Variants in SLC2A13 observed in about 807,000 individuals in gnomAD.
SLC2A13 encodes the protein solute carrier family 2 member 13.
A neutral mutation model predicts 64.4 loss-of-function variants in SLC2A13; 32 were observed. The observed-to-expected ratio is 0.50, with a 90% CI of 0.37 to 0.67. SLC2A13 has a LOEUF of 0.67. Ranked by LOEUF, SLC2A13 falls within the 30% of genes least tolerant of loss-of-function variation. The pLI, the probability that SLC2A13 is intolerant of heterozygous loss-of-function variation, is 0.00. For missense variants in SLC2A13, 743 were observed against 829.2 expected, an observed-to-expected ratio of 0.90 and a Z score of 1.28; for synonymous variants, 338 against 327.1, an observed-to-expected ratio of 1.03 and a Z score of -0.36.
intron 7 of SLC2A13, among the ~76,000 whole-genome samples, chr12:39,808,362 C>T (rs1184670480): frequency 6.6e-6 from 1 of 152,114 alleles, no homozygotes; most frequent in East Asian, 1.9e-4. Context: ...GAAGTAACAT[C>T]TACGTAATTT....
chr12:39,800,691 T>C (rs1941759393), intron 7 of SLC2A13, among the ~76,000 whole-genome samples: 1 of 14,812 alleles, frequency 6.8e-5, no homozygotes, highest in African/African-American at 3.0e-4. Context: ...AGTGTGGCGA[T>C]TCCTCAGGGA....
intron 4 of SLC2A13, among the ~76,000 whole-genome samples, chr12:39,943,956 C>T (rs977692764): frequency 2.0e-5 from 3 of 152,140 alleles, no homozygotes; most frequent in African/African-American, 7.2e-5. Flanking sequence ...GTAACACCAG[C>T]AAGACAGACT....
At position 39,860,516 on chromosome 12, in the gene SLC2A13, T is replaced by G. The variant is rs116289092; in HGVS notation, c.1319+4246A>C. Reference sequence around the variant, plus strand: ...GAACTCTCCTCCAACTACGGGCCAGTTTTCCCAAATACCTATTCAATATCC... The same window carrying G: ...GAACTCTCCTCCAACTACGGGCCAGGTTTCCCAAATACCTATTCAATATCC... On this transcript the variant is annotated intron_variant, in intron 6 of 9. Coordinates refer to ENST00000280871, the MANE Select transcript of SLC2A13 (RefSeq NM_052885.4). Among the ~76,000 whole-genome samples, 1,438 of 152,236 alleles carry G rather than the reference T, an allele frequency of 9.4e-3. 19 individuals are homozygous for G. Among genetic ancestry groups the G allele is most frequent in the African/African-American group, 0.032 (1,327 of 41,526 alleles).
At chr12:39,839,840 T>C (rs1475900669) in intron 6 of SLC2A13, among the ~76,000 whole-genome samples, 2 of 152,086 alleles carry the variant, frequency 1.3e-5, no homozygotes, top group Non-Finnish European at 2.9e-5. Flanking sequence ...TATCTGGATG[T>C]TTTCCAAGTG....
intron 1 of SLC2A13, among the ~76,000 whole-genome samples, chr12:40,102,774 G>A (rs1268370238): frequency 6.6e-6 from 1 of 152,010 alleles, no homozygotes; most frequent in Non-Finnish European, 1.5e-5. Flanking sequence ...CTCAAAAAAT[G>A]CTCATGTTAG....
intron 3 of SLC2A13, among the ~76,000 whole-genome samples, chr12:40,002,955 A>G (rs532166004): frequency 1.3e-5 from 2 of 152,314 alleles, no homozygotes; most frequent in East Asian, 3.9e-4. Context: ...ACTAGGGGTT[A>G]ATAATTTACA....
At chr12:40,080,795 G>A (rs1175177042) in intron 1 of SLC2A13, among the ~76,000 whole-genome samples, 1 of 152,226 alleles carries the variant, frequency 6.6e-6, no homozygotes, top group Non-Finnish European at 1.5e-5. Context: ...GCTCTATAGT[G>A]TCAGTGGGCT....
At chr12:39,835,852 C>T (rs1414283372) in intron 6 of SLC2A13, 5 of 151,964 alleles carry the variant, frequency 3.3e-5, no homozygotes, top group South Asian at 2.1e-4. Flanking sequence ...GATGAATTGA[C>T]GTAAATATAT....
chr12:39,876,283 T>C (rs1051492007), intron 4 of SLC2A13, among the ~76,000 whole-genome samples: 5 of 152,146 alleles, frequency 3.3e-5, no homozygotes, highest in Non-Finnish European at 5.9e-5. Flanking sequence ...CAGAAACATA[T>C]AGGCTTTGGA....
intron 3 of SLC2A13, among the ~76,000 whole-genome samples, chr12:39,960,325 A>G (rs936220159): frequency 9.2e-5 from 14 of 152,168 alleles, no homozygotes; most frequent in African/African-American, 2.7e-4. Flanking sequence ...CATTCTCTTG[A>G]GTTTTCTACA....
intron 6 of SLC2A13, among the ~76,000 whole-genome samples, chr12:39,850,727 T>A (rs2135893697): frequency 6.6e-6 from 1 of 152,244 alleles, no homozygotes; most frequent in African/African-American, 2.4e-5. Flanking sequence ...CCAAATTTGA[T>A]TACACAGGCC....
intron 7 of SLC2A13, among the ~76,000 whole-genome samples, chr12:39,810,729 A>G (rs1046741053): frequency 6.6e-6 from 1 of 152,124 alleles, no homozygotes; most frequent in Non-Finnish European, 1.5e-5. Context: ...TATTAAGATG[A>G]TCATATGATT....
rs11173446 is a variant in SLC2A13 at position 39,756,884 on chromosome 12, G to A, written c.*3142C>T. ...AAAATTAAATTATGAAAAAATAGTC[G>A]GTATTCTCATAGCATTTTGTATCAG... On this transcript the variant is annotated 3_prime_UTR_variant, in exon 10 of 10. Transcript: ENST00000280871. 20,259 of 151,294 alleles carry A rather than the reference G, an allele frequency of 0.13. 1,632 individuals carry two copies. Among genetic ancestry groups the A allele is most frequent in the East Asian group, 0.39 (2,027 of 5,156 alleles). The allele number at this position is 151,294 out of a possible 1,614,324, so 9.4% of individuals were successfully genotyped here.
intron 4 of SLC2A13, among the ~76,000 whole-genome samples, chr12:39,906,307 C>T (rs920100694): frequency 6.6e-6 from 1 of 152,108 alleles, no homozygotes; most frequent in South Asian, 2.1e-4. Flanking sequence ...AATAACTAGA[C>T]AAGCTTGTAA....
rs900692905 is a variant in SLC2A13, at chr12:39,822,215, C to T, written c.1445+7888G>A. ...ATAGTTTACTGAGAATGATGATTTC[C>T]AAGATAACGTTTCCTGCCCAAGTGT... is the stretch of plus-strand genomic sequence containing the variant. On this transcript the variant is annotated intron_variant, in intron 7 of 9. Transcript: ENST00000280871. Among the ~76,000 whole-genome samples the T allele has an allele frequency of 1.2e-4, 18 of 152,032 alleles. No homozygotes were observed. The East Asian group carries it at 3.5e-3, about 30-fold the overall frequency.
chr12:39,918,709 A>T (rs920235329), intron 4 of SLC2A13, among the ~76,000 whole-genome samples: 7 of 152,066 alleles, frequency 4.6e-5, no homozygotes, highest in Middle Eastern at 6.8e-3. Flanking sequence ...GTGAGTGCAC[A>T]TGTATTCACA....
rs1266035030 is a variant in SLC2A13, at chr12:39,758,041, G to GAGAT, written c.*1981_*1984dup. 1 of 151,494 alleles carries GAGAT rather than the reference G, an allele frequency of 6.6e-6. No homozygotes were observed. Among genetic ancestry groups the GAGAT allele is most frequent in the African/African-American group, 2.4e-5 (1 of 41,316 alleles). 9.4% of individuals were successfully genotyped at this position (151,494 alleles called of 1,614,324 possible). A position where few individuals can be genotyped will look rare whatever the true frequency, so the allele number is the denominator to read the frequency against. On this transcript the variant is annotated 3_prime_UTR_variant, in exon 10 of 10. Coordinates refer to ENST00000280871, the MANE Select transcript of SLC2A13 (RefSeq NM_052885.4). The stretch of plus-strand genomic sequence containing the variant: ...AAATATTAGATAAGAAATTTCTTAT[G>GAGAT]AGATAAGAAATATCAATAGAATAAT...
chr12:39,797,727 AACAC>A (rs1555237479), intron 7 of SLC2A13, among the ~76,000 whole-genome samples: 126 of 84,056 alleles, frequency 1.5e-3, no homozygotes, highest in African/African-American at 3.7e-3. Context: ...AGTTATGGTA[AACAC>A]ACACACACAC....
chr12:39,985,896 T>C (rs759390151), intron 3 of SLC2A13, among the ~76,000 whole-genome samples: 3 of 152,144 alleles, frequency 2.0e-5, no homozygotes, highest in Non-Finnish European at 4.4e-5. Flanking sequence ...CCATTTCAGC[T>C]GCTATAATAG....
Sources: allele counts gnomAD v4.1 joint callset (sites outside exome capture counted in the v4.1 genomes callset), GRCh38; gene constraint gnomAD v4.1.1; transcripts MANE v1.5; gene names NCBI Gene and HGNC (gene_info 2026-07-23, HGNC 2026-07-21).